The following PLCB4 variants were observed in gnomAD, a reference collection of about 807,000 sequenced individuals.
PLCB4 encodes the protein 1-phosphatidylinositol 4,5-bisphosphate phosphodiesterase beta-4.
Under a neutral mutation model 178.8 loss-of-function variants are expected in PLCB4, and 77 were observed. The ratio of observed to expected loss-of-function variants is 0.43; its 90% confidence interval spans 0.36 to 0.52. PLCB4 has a LOEUF of 0.52. Among genes scored for constraint, PLCB4 ranks in the 20% least tolerant of loss-of-function variants. The pLI is 0.00. For missense variants in PLCB4, 1,024 were observed against 1,453.4 expected, an observed-to-expected ratio of 0.70 and a Z score of 4.80; for synonymous variants, 496 against 490.8, an observed-to-expected ratio of 1.01 and a Z score of -0.14.
At chr20:9,253,173 A>G (rs1197009460) in intron 3 of PLCB4, among the ~76,000 whole-genome samples, 1 of 152,196 alleles carries the variant, frequency 6.6e-6, no homozygotes, top group Non-Finnish European at 1.5e-5. Context: ...CTATGGTAGA[A>G]GCTCTCGGGT....
intron 39 of PLCB4, 44 bp downstream of exon 39, chr20:9,476,797 G>T: frequency 7.5e-7 from 1 of 1,341,400 alleles, no homozygotes. Flanking sequence ...TTTCCTTCTC[G>T]ACTACGTCCG....
At chr20:9,472,605 C>T (rs2044264580) in intron 36 of PLCB4, among the ~76,000 whole-genome samples, 185 bp from the exon 37 acceptor site, 1 of 152,148 alleles carries the variant, frequency 6.6e-6, no homozygotes, top group Admixed American at 6.5e-5. Context: ...CTGAGGGACA[C>T]ATACACAGAT....
chr20:9,303,579 T>G (rs187882790), intron 3 of PLCB4, among the ~76,000 whole-genome samples: 2 of 152,322 alleles, frequency 1.3e-5, no homozygotes, highest in East Asian at 3.9e-4. Flanking sequence ...TCTCTATGCA[T>G]TCATTTGTTG....
At chr20:9,463,550 C>T (rs1007738997) in intron 35 of PLCB4, among the ~76,000 whole-genome samples, 2 of 70,356 alleles carry the variant, frequency 2.8e-5, no homozygotes, top group African/African-American at 1.2e-4. Context: ...CACACAGGCT[C>T]AAAATAAAGG....
intron 4 of PLCB4, among the ~76,000 whole-genome samples, chr20:9,313,022 T>G (rs927393214): frequency 3.3e-5 from 5 of 152,168 alleles, no homozygotes; most frequent in Non-Finnish European, 7.3e-5. Context: ...TAGAAGTAAA[T>G]CATTCTTAGG....
intron 36 of PLCB4, among the ~76,000 whole-genome samples, chr20:9,471,640 A>G (rs1178160355): frequency 6.6e-6 from 1 of 152,206 alleles, no homozygotes; most frequent in Non-Finnish European, 1.5e-5. Context: ...AGGTCTTTTC[A>G]CTCATGAAAA....
Position 9,278,654 on chromosome 20 carries a change from A to G in PLCB4, c.-15-29146A>G, listed in dbSNP as rs150321632. Among the ~76,000 whole-genome samples, 351 of 152,154 alleles carry G rather than the reference A, an allele frequency of 2.3e-3. 2 individuals are homozygous for G. The highest frequency in any genetic ancestry group is 8.1e-3 in the African/African-American group (338 of 41,548). ...ACCCTAAAAAGGACTCTTCACATAG[A>G]TATCATAACCTTCAGTTTACAGTTT... is the stretch of plus-strand genomic sequence containing the variant. On this transcript the variant is annotated intron_variant, in intron 3 of 39. Transcript: ENST00000378473.
intron 7 of PLCB4, among the ~76,000 whole-genome samples, chr20:9,347,022 G>A (rs975442844): frequency 6.6e-5 from 10 of 152,166 alleles, no homozygotes; most frequent in Non-Finnish European, 1.3e-4. Context: ...TGTCTCATCC[G>A]TGATGGCGCT....
At chr20:9,392,643 A>G (rs1203707424) in intron 17 of PLCB4, among the ~76,000 whole-genome samples, 4 of 152,190 alleles carry the variant, frequency 2.6e-5, no homozygotes, top group Non-Finnish European at 5.9e-5. Context: ...AAGAGCTTTC[A>G]ACCTTGGGAG....
intron 2 of PLCB4, among the ~76,000 whole-genome samples, chr20:9,190,233 C>T (rs917351716): frequency 2.6e-5 from 4 of 152,104 alleles, no homozygotes; most frequent in Admixed American, 2.0e-4. Flanking sequence ...TATGGTTTGG[C>T]TCTGTGTCCC....
intron 3 of PLCB4, among the ~76,000 whole-genome samples, chr20:9,258,404 G>T (rs1418965934): frequency 6.6e-6 from 1 of 152,006 alleles, no homozygotes; most frequent in African/African-American, 2.4e-5. Flanking sequence ...ATGGGAGTGG[G>T]GTGGAAAGTT....
At chr20:9,294,343 T>C (rs1050681263) in intron 3 of PLCB4, among the ~76,000 whole-genome samples, 6 of 152,100 alleles carry the variant, frequency 3.9e-5, no homozygotes, top group African/African-American at 1.4e-4. Context: ...TCAAGTTGCC[T>C]GTCATTCTTA....
chr20:9,248,262 A>G (rs2094145356), intron 3 of PLCB4, among the ~76,000 whole-genome samples: 1 of 152,160 alleles, frequency 6.6e-6, no homozygotes, highest in African/African-American at 2.4e-5. Context: ...CTCATGTACA[A>G]TGATGTTCAC....
intron 3 of PLCB4, among the ~76,000 whole-genome samples, chr20:9,224,324 A>G (rs1414185315): frequency 6.6e-6 from 1 of 152,096 alleles, no homozygotes; most frequent in Non-Finnish European, 1.5e-5. Flanking sequence ...CTCCTTACCC[A>G]GTAAGCTGGA....
intron 4 of PLCB4, among the ~76,000 whole-genome samples, chr20:9,326,787 C>T (rs1259510411): frequency 6.6e-6 from 1 of 152,064 alleles, no homozygotes; most frequent in Admixed American, 6.6e-5. Flanking sequence ...AGAAGATGAC[C>T]TTCTGTGCAG....
At chr20:9,175,291 G>A in intron 2 of PLCB4, among the ~76,000 whole-genome samples, 1 of 152,084 alleles carries the variant, frequency 6.6e-6, no homozygotes, top group East Asian at 1.9e-4. Flanking sequence ...CTGGGGAGAA[G>A]GGTGAACCCT....
chr20:9,104,403 A>G (rs1238923618), intron 2 of PLCB4, among the ~76,000 whole-genome samples: 1 of 152,178 alleles, frequency 6.6e-6, no homozygotes, highest in Non-Finnish European at 1.5e-5. Flanking sequence ...CCTAAGTTCA[A>G]GGAGTGGGAA....
intron 3 of PLCB4, among the ~76,000 whole-genome samples, chr20:9,239,072 T>C (rs1248444904): frequency 6.6e-6 from 1 of 152,238 alleles, no homozygotes; most frequent in Non-Finnish European, 1.5e-5. Flanking sequence ...TCTTGATTTT[T>C]TGATACTTAC....
At chr20:9,324,738 A>G (rs1369616811) in intron 4 of PLCB4, among the ~76,000 whole-genome samples, 1 of 152,200 alleles carries the variant, frequency 6.6e-6, no homozygotes, top group East Asian at 1.9e-4. Flanking sequence ...CACAATAAAA[A>G]GTGACAGAGC....
Sources: allele counts gnomAD v4.1 joint callset (sites outside exome capture counted in the v4.1 genomes callset), GRCh38; gene constraint gnomAD v4.1.1; transcripts MANE v1.5; gene names NCBI Gene and HGNC (gene_info 2026-07-23, HGNC 2026-07-21).